Variants in CNBD2 observed in about 807,000 individuals in gnomAD.
CNBD2 encodes cyclic nucleotide-binding domain-containing protein 2.
In CNBD2, 64 loss-of-function variants were observed where a neutral mutation model predicts 63.7. That is an observed-to-expected ratio of 1.00 (90% CI 0.82 to 1.24). CNBD2 has a LOEUF of 1.24. CNBD2 is among the 50% of genes most tolerant of loss of function. The probability of loss-of-function intolerance (pLI) is 0.00; values close to 1 mark genes in which losing one functional copy is unlikely to be tolerated. For missense variants in CNBD2, 691 were observed against 713.5 expected (o/e 0.97, Z 0.36); for synonymous variants, 229 against 255.4 (o/e 0.90, Z 0.99).
chr20:35,989,071 C>A (rs372578388), intron 7 of CNBD2, among the ~76,000 whole-genome samples: 2 of 152,270 alleles, frequency 1.3e-5, no homozygotes, highest in Non-Finnish European at 2.9e-5. Context: ...ATTTTAGTCT[C>A]TATAGCCCGG....
At chr20:36,011,005 C>T (rs894260340) in intron 9 of CNBD2, 132 bp from the exon 10 acceptor site, 10 of 966,440 alleles carry the variant, frequency 1.0e-5, no homozygotes, top group African/African-American at 6.7e-5. Context: ...TGAGTTTTCT[C>T]GCCTTCTGGG....
intron 1 of CNBD2, among the ~76,000 whole-genome samples, chr20:35,970,558 G>A (rs925515074): frequency 3.0e-4 from 45 of 151,488 alleles, no homozygotes; most frequent in East Asian, 3.9e-4. Flanking sequence ...CACCACGCCC[G>A]GCTAATTTTT....
intron 8 of CNBD2, among the ~76,000 whole-genome samples, chr20:36,002,850 T>A (rs1462933717): frequency 6.6e-6 from 1 of 152,098 alleles, no homozygotes; most frequent in East Asian, 1.9e-4. Flanking sequence ...TGTCTCTCCC[T>A]CTCCTCCACT....
chr20:35,984,030 C>T lies in CNBD2; in HGVS notation c.456C>T (p.Ser152=). The change falls in exon 5 of 12, where the codon AGC becomes AGT. Residue 152 remains serine, a synonymous_variant. Transcript: ENST00000373973. ...TCAAGAAGGGGCAGAAGGGCAACAGCTTTTATTTCATCTACCTGGGCACAG... is the reference window on the plus strand; with the variant it reads ...TCAAGAAGGGGCAGAAGGGCAACAGTTTTTATTTCATCTACCTGGGCACAG... ...VIIKKGQKGN[S]FYFIYLGTVA... 6.2e-7 allele frequency: 1 copy of T among 1,614,214 alleles called. No homozygotes were observed. The highest frequency in any genetic ancestry group is 8.5e-7 in the Non-Finnish European group (1 of 1,180,042).
intron 10 of CNBD2, among the ~76,000 whole-genome samples, chr20:36,016,354 C>G (rs1320211187): frequency 2.0e-5 from 3 of 152,288 alleles, no homozygotes; most frequent in East Asian, 3.9e-4. Context: ...TTGACTTTAG[C>G]TAACAGTAAT....
chr20:35,993,978 G>A (rs2056784907), intron 7 of CNBD2, among the ~76,000 whole-genome samples: 1 of 148,398 alleles, frequency 6.7e-6, no homozygotes, highest in African/African-American at 2.5e-5. Context: ...GGGTTCAAGT[G>A]ATTCGATTCT....
chr20:35,990,425 G>A (rs567774293), intron 7 of CNBD2, among the ~76,000 whole-genome samples: 1 of 152,188 alleles, frequency 6.6e-6, no homozygotes, highest in African/African-American at 2.4e-5. Context: ...GAGGTCAGGA[G>A]TTCGAGACTA....
chr20:35,988,332 A>G (rs917190229), intron 7 of CNBD2, among the ~76,000 whole-genome samples: 1 of 151,092 alleles, frequency 6.6e-6, no homozygotes, highest in East Asian at 1.9e-4. Context: ...ATGCCTGGCT[A>G]ATTTTTTTTT....
chr20:36,003,821 A>G (rs952546025), intron 8 of CNBD2, among the ~76,000 whole-genome samples: 11 of 151,796 alleles, frequency 7.2e-5, no homozygotes, highest in African/African-American at 2.7e-4. Flanking sequence ...CAGGAGGATC[A>G]TTTGAGTCCA....
intron 3 of CNBD2, among the ~76,000 whole-genome samples, chr20:35,976,325 C>A (rs2056518127): frequency 6.6e-6 from 1 of 152,070 alleles, no homozygotes; most frequent in Non-Finnish European, 1.5e-5. Flanking sequence ...TGTGAGAGTC[C>A]CAGAGAGAGG....
At chr20:36,025,509 TTTTTTTGTA>T (rs1218006800) in intron 11 of CNBD2, among the ~76,000 whole-genome samples, 12 of 152,156 alleles carry the variant, frequency 7.9e-5, no homozygotes, top group Admixed American at 3.3e-4. Context: ...TAATTGAAAA[TTTTTTTGTA>T]GAGATGGGGG....
intron 10 of CNBD2, among the ~76,000 whole-genome samples, chr20:36,017,498 C>A (rs1309545089): frequency 3.3e-5 from 5 of 152,158 alleles, no homozygotes. Flanking sequence ...TAGCACAGCC[C>A]TCTGTCAATG....
At chr20:35,958,357 G>A (rs964983067), downstream of CNBD2, among the ~76,000 whole-genome samples, 10 of 152,162 alleles carry the variant, frequency 6.6e-5, no homozygotes, top group African/African-American at 1.4e-4. Context: ...ACTTGAACCC[G>A]GGAGGCAGAG....
chr20:35,993,536 A>G (rs996563761), intron 7 of CNBD2, among the ~76,000 whole-genome samples: 3 of 152,214 alleles, frequency 2.0e-5, no homozygotes, highest in African/African-American at 4.8e-5. Context: ...GCATGAAAAG[A>G]GGTATTTGAT....
chr20:35,996,586 C>T (rs1224455513), intron 8 of CNBD2, among the ~76,000 whole-genome samples: 1 of 150,786 alleles, frequency 6.6e-6, no homozygotes, highest in African/African-American at 2.5e-5. Context: ...CAGCTCACTG[C>T]AACCTCTGCC....
At chr20:35,987,667 T>A in intron 7 of CNBD2, 134 bp downstream of exon 7, 3 of 985,906 alleles carry the variant, frequency 3.0e-6, no homozygotes, top group Non-Finnish European at 4.5e-6. Context: ...AGAGTTTCCA[T>A]GTCCCAGCTG....
At chr20:35,984,551 A>G (rs2056640659) in intron 5 of CNBD2, 76 bp from the exon 6 acceptor site, 1 of 1,489,138 alleles carries the variant, frequency 6.7e-7, no homozygotes, top group South Asian at 1.2e-5. Context: ...AGATGGAGGC[A>G]CGGAAGATGT....
intron 10 of CNBD2, among the ~76,000 whole-genome samples, chr20:36,012,465 G>A (rs1362802308): frequency 4.3e-5 from 6 of 140,480 alleles, no homozygotes; most frequent in Admixed American, 2.8e-4. Context: ...TGACAAGAGC[G>A]AAACTCCATC....
intron 6 of CNBD2, 70 bp downstream of exon 6, chr20:35,984,848 A>G: frequency 6.6e-7 from 1 of 1,510,166 alleles, no homozygotes; most frequent in Non-Finnish European, 9.2e-7. Context: ...TGTCTGTCCT[A>G]GGCCTGGTGG....
Sources: allele counts gnomAD v4.1 joint callset (sites outside exome capture counted in the v4.1 genomes callset), GRCh38; gene constraint gnomAD v4.1.1; transcripts MANE v1.5; gene names NCBI Gene and HGNC (gene_info 2026-07-23, HGNC 2026-07-21).